Variants in SYTL4 observed in about 807,000 individuals in gnomAD.
The protein encoded by SYTL4 is synaptotagmin-like protein 4.
In SYTL4, 16 loss-of-function variants were observed where a neutral mutation model predicts 52.7. The ratio of observed to expected loss-of-function variants is 0.30; its 90% CI spans 0.21 to 0.46. The LOEUF (loss-of-function observed/expected upper bound fraction) is 0.46, where lower values mean the gene tolerates loss of function less well. SYTL4 is among the 20% of genes least tolerant of loss of function. The pLI, the probability that SYTL4 is intolerant of heterozygous loss-of-function variation, is 1.00. For synonymous variants in SYTL4, 160 were observed against 186.6 expected (o/e 0.86, Z 1.16); for missense variants, 423 against 519.9 (o/e 0.81, Z 1.81).
chrX:100,702,223 G>A (rs1217727067), intron 4 of SYTL4, 116 bp from the exon 5 acceptor site: 17 of 391,850 alleles, frequency 4.3e-5, no homozygotes, highest in Non-Finnish European at 3.5e-5. Flanking sequence ...AGACAAAGTA[G>A]AAGTATCTGA....
chrX:100,686,620 C>G, intron 15 of SYTL4, 59 bp downstream of exon 15: 1 of 916,471 alleles, frequency 1.1e-6, no homozygotes, highest in Non-Finnish European at 1.6e-6. Flanking sequence ...AGAGGAATAG[C>G]TACAGCTTAG....
intron 15 of SYTL4, 62 bp from the exon 16 acceptor site, chrX:100,686,213 T>C: frequency 1.9e-6 from 2 of 1,072,863 alleles, no homozygotes; most frequent in Non-Finnish European, 2.5e-6. Flanking sequence ...GACAAGATTA[T>C]TCCAAAACCT....
In SYTL4 at chrX:100,701,602, C is replaced by G. The variant is rs1349125465; in HGVS notation, c.182G>C (p.Arg61Pro). ...GCTCTCCTGGCACCGGGCACAGGTC[C>G]GATCACTGTAGTGTTGGCTGCCCCT... ...AKRGSQHYSD[R>P]TCARCQESLG... The change falls in exon 6 of 20, where the codon CGG (arginine) becomes CCG (proline). Residue 61 changes from arginine to proline, a missense_variant. By Grantham distance (103) the Arg-to-Pro change is moderately radical. Transcript: ENST00000372989. The G allele has an allele frequency of 8.3e-7, 1 of 1,209,933 alleles. No homozygotes were observed. Among genetic ancestry groups the G allele is most frequent in the Non-Finnish European group, 1.1e-6 (1 of 895,243 alleles).
At position 100,686,083 on chromosome X, in the gene SYTL4, A is replaced by G; in HGVS notation, c.1356T>C (p.Phe452=). 8.3e-7 allele frequency: 1 copy of G among 1,210,417 alleles called. No individual in the cohort carries two copies. The change falls in exon 16 of 20, where the codon TTT becomes TTC. Residue 452 remains phenylalanine (F), a synonymous_variant. Coordinates refer to ENST00000372989, the MANE Select transcript of SYTL4 (RefSeq NM_001370165.1). ...LQFSVWHHGR[F]GRNTFLGEAE... is the part of the protein sequence containing the mutation. ...CCTCTCCAAGGAAAGTGTTTCTGCC[A>G]AAACGACCATGATGCCAAACTGAGA...
intron 16 of SYTL4, among the ~76,000 whole-genome samples, chrX:100,683,984 G>A (rs1023135069): frequency 9.0e-6 from 1 of 111,634 alleles, no homozygotes; most frequent in Non-Finnish European, 1.9e-5. Context: ...ATTGACCGTA[G>A]AGAATGACTT....
intron 2 of SYTL4, among the ~76,000 whole-genome samples, chrX:100,729,357 G>A (rs2084591960): frequency 9.0e-6 from 1 of 111,707 alleles, no homozygotes; most frequent in Non-Finnish European, 1.9e-5. Flanking sequence ...CCCACAGGGT[G>A]TTTATGTTAT....
At position 100,724,026 on chromosome X, in the gene SYTL4, G is replaced by A. The variant is rs1466397454; in HGVS notation, c.-240+7392C>T. Among the ~76,000 whole-genome samples, 3 of 93,852 alleles carry A rather than the reference G, an allele frequency of 3.2e-5. No individual in the cohort carries two copies. In the East Asian group the frequency reaches 1.1e-3, roughly 35 times the overall value. The allele number at this position is 93,852 out of a possible 115,157, so 81.5% of individuals were successfully genotyped here. On this transcript the variant is annotated intron_variant, in intron 2 of 19. Transcript: ENST00000372989. Reference sequence around the variant, plus strand: ...TCCGGGAGGGAGGTGGGGGGGGTCAGCCCCCCGCCCAGCCAGCCGCCCCGT... The same window carrying A: ...TCCGGGAGGGAGGTGGGGGGGGTCAACCCCCCGCCCAGCCAGCCGCCCCGT...
At chrX:100,707,479 C>G in intron 2 of SYTL4, among the ~76,000 whole-genome samples, 1 of 111,434 alleles carries the variant, frequency 9.0e-6, no homozygotes, top group Non-Finnish European at 1.9e-5. Context: ...ATAGAATGTT[C>G]TCTAGAAATT....
rs751688750 is a variant in SYTL4, at chrX:100,710,206, T to C, written c.-239-5320A>G. Among the ~76,000 whole-genome samples, 6 of 112,477 alleles carry C rather than the reference T, an allele frequency of 5.3e-5. No homozygotes were observed. The South Asian group carries it at 2.2e-3, about 42-fold the overall frequency. ...AAGTGATGTAATAAAAGTATTTTGC[T>C]GTTTAGGCTAAGGACAATGGACAAT... is the stretch of plus-strand genomic sequence containing the variant. On this transcript the variant is annotated intron_variant, in intron 2 of 19. Transcript: ENST00000372989.
At chrX:100,686,655 T>A in intron 15 of SYTL4, 24 bp downstream of exon 15, 9 of 1,127,630 alleles carry the variant, frequency 8.0e-6, no homozygotes, top group Non-Finnish European at 1.1e-5. Context: ...CAAGTTCTCC[T>A]ACCCTTGAGG....
intron 17 of SYTL4, 24 bp downstream of exon 17, chrX:100,681,203 T>A: frequency 8.6e-7 from 1 of 1,159,119 alleles, no homozygotes; most frequent in East Asian, 3.0e-5. Flanking sequence ...CTAAGCTACA[T>A]CCAGGACCCC....
At chrX:100,728,333 T>G (rs1021211284) in intron 2 of SYTL4, among the ~76,000 whole-genome samples, 2 of 112,458 alleles carry the variant, frequency 1.8e-5, no homozygotes, top group Admixed American at 9.4e-5. Flanking sequence ...CAAAACACTT[T>G]TAAACAGAAT....
chrX:100,679,306 G>A lies in SYTL4; in HGVS notation c.1658+7C>T, dbSNP rs1665063794. On this transcript the variant is annotated splice_region_variant and intron_variant, in intron 18 of 19. Transcript: ENST00000372989. ...CTGGTTAATTTGGGGCTGGTCTAGG[G>A]ACTCACCCCTTGACAAAGCTGTCTG... is the stretch of plus-strand genomic sequence containing the variant. The A allele has an allele frequency of 8.4e-7, 1 of 1,192,888 alleles. No homozygotes were observed. Among genetic ancestry groups the A allele is most frequent in the Admixed American group, 2.2e-5 (1 of 45,639 alleles).
chrX:100,727,029 A>C lies in SYTL4; in HGVS notation c.-240+4389T>G, dbSNP rs185191847. Among the ~76,000 whole-genome samples the C allele has an allele frequency of 4.5e-3, 498 of 110,629 alleles. 5 individuals carry two copies. Among genetic ancestry groups the C allele is most frequent in the African/African-American group, 0.016 (475 of 30,319 alleles). On this transcript the variant is annotated intron_variant, in intron 2 of 19. Transcript: ENST00000372989. ...CAGTCCTTCTCAGTCCTCACTGCCCAACCCTCTACGATCTGCCTTCTCTCC... is the reference window on the plus strand; with the variant it reads ...CAGTCCTTCTCAGTCCTCACTGCCCCACCCTCTACGATCTGCCTTCTCTCC...
intron 13 of SYTL4, chrX:100,687,459 C>G: frequency 7.5e-6 from 3 of 401,763 alleles, no homozygotes; most frequent in African/African-American, 2.5e-5. Flanking sequence ...CATGGCTCAC[C>G]TAGCCTCTTA....
intron 2 of SYTL4, among the ~76,000 whole-genome samples, chrX:100,711,544 C>A (rs1033077780): frequency 1.8e-5 from 2 of 111,124 alleles, no homozygotes; most frequent in African/African-American, 6.5e-5. Context: ...GGATTAACAG[C>A]AAATTGGACA....
intron 12 of SYTL4, 119 bp from the exon 13 acceptor site, chrX:100,688,562 T>TC: frequency 2.1e-6 from 1 of 467,029 alleles, no homozygotes; most frequent in Admixed American, 4.7e-5. Flanking sequence ...CACACATACT[T>TC]CTTTTTTTTT....
At chrX:100,684,454 G>A (rs908238739) in intron 16 of SYTL4, among the ~76,000 whole-genome samples, 1 of 110,974 alleles carries the variant, frequency 9.0e-6, no homozygotes, top group African/African-American at 3.3e-5. Context: ...ACAACTTAAA[G>A]GCCTATTAGT....
chrX:100,691,434 A>C (rs2083596357), intron 8 of SYTL4, among the ~76,000 whole-genome samples: 1 of 112,247 alleles, frequency 8.9e-6, no homozygotes, highest in African/African-American at 3.2e-5. Context: ...AGTGCACAAC[A>C]GTCTCTAACT....
Sources: gnomAD v4.1 joint callset for allele counts (sites outside exome capture counted in the v4.1 genomes callset) on GRCh38, gnomAD v4.1.1 for gene constraint, MANE v1.5 for transcripts, NCBI Gene and HGNC (gene_info 2026-07-23, HGNC 2026-07-21) for gene names.